Variants in COL14A1 observed in about 807,000 individuals in gnomAD.
COL14A1 encodes collagen alpha-1(XIV) chain.
In COL14A1, 136 loss-of-function variants were observed where a neutral mutation model predicts 230.3. The ratio of observed to expected loss-of-function variants is 0.59; its 90% CI spans 0.51 to 0.68. The LOEUF (loss-of-function observed/expected upper bound fraction) is 0.68. COL14A1 is among the 30% of genes least tolerant of loss of function. COL14A1 has a pLI of 0.00. For missense variants in COL14A1, 1,976 were observed against 2,215.8 expected (o/e 0.89, Z 2.17); for synonymous variants, 792 against 784.1 (o/e 1.01, Z -0.17).
intron 45 of COL14A1, among the ~76,000 whole-genome samples, chr8:120,354,263 G>T (rs1372289020): frequency 2.0e-5 from 2 of 99,554 alleles, no homozygotes; most frequent in African/African-American, 8.1e-5. Flanking sequence ...AGGGGGGAGG[G>T]ATAGCATTGG....
At chr8:120,169,347 G>A (rs1287174945) in intron 5 of COL14A1, among the ~76,000 whole-genome samples, 1 of 152,000 alleles carries the variant, frequency 6.6e-6, no homozygotes, top group Non-Finnish European at 1.5e-5. Context: ...TTCTGTTAAC[G>A]ATATGTAACA....
At chr8:120,208,383 A>G (rs1419369997) in intron 11 of COL14A1, 22 bp downstream of exon 11, 5 of 1,606,938 alleles carry the variant, frequency 3.1e-6, no homozygotes, top group Non-Finnish European at 4.3e-6. Flanking sequence ...ATTCTACCCC[A>G]CTTCTAACTT....
chr8:120,366,280 T>C (rs962137436), intron 45 of COL14A1, among the ~76,000 whole-genome samples: 1 of 152,256 alleles, frequency 6.6e-6, no homozygotes, highest in Non-Finnish European at 1.5e-5. Flanking sequence ...TGGCCATTTT[T>C]CACTTATTGA....
intron 40 of COL14A1, among the ~76,000 whole-genome samples, chr8:120,326,148 G>A (rs988058384): frequency 6.6e-6 from 1 of 152,202 alleles, no homozygotes; most frequent in Non-Finnish European, 1.5e-5. Flanking sequence ...GGCTTGCCCA[G>A]TGAGAGCTGT....
intron 2 of COL14A1, among the ~76,000 whole-genome samples, chr8:120,156,984 C>CTAACTTTTCCATGAAGTAT (rs1815501372): frequency 6.6e-6 from 1 of 152,116 alleles, no homozygotes; most frequent in Non-Finnish European, 1.5e-5. Context: ...ATAAAAAAGG[C>CTAACTTTTCCATGAAGTAT]TAACTTTTCC....
chr8:120,173,960 T>G (rs1816189741), intron 5 of COL14A1, among the ~76,000 whole-genome samples: 1 of 152,192 alleles, frequency 6.6e-6, no homozygotes, highest in Non-Finnish European at 1.5e-5. Flanking sequence ...AAAAGGATCT[T>G]GGATTAGTTC....
intron 42 of COL14A1, among the ~76,000 whole-genome samples, chr8:120,335,152 TG>T (rs1484781608): frequency 6.6e-6 from 1 of 152,000 alleles, no homozygotes; most frequent in African/African-American, 2.4e-5. Flanking sequence ...ACATGGGGCG[TG>T]GAGAGCTAGA....
chr8:120,203,728 G>A lies in COL14A1; in HGVS notation c.897G>A (p.Val299=), dbSNP rs1489086047. The stretch of plus-strand genomic sequence containing the variant: ...TGTAAGGGGTGAAAAACGCGGATGT[G>A]AATGAGCTGCAGGAGATCGCCTCTG... ...LFAIGVKNAD[V]NELQEIASEP... Residue 299 remains valine, a synonymous_variant, in exon 9 of 48, where the codon GTG becomes GTA. Transcript: ENST00000297848. 6.2e-7 allele frequency: 1 copy of A among 1,613,816 alleles called. No homozygotes were observed. Among genetic ancestry groups the A allele is most frequent in the Admixed American group, 1.7e-5 (1 of 59,978 alleles).
chr8:120,238,900 T>C (rs1244870811), intron 19 of COL14A1, among the ~76,000 whole-genome samples: 1 of 152,118 alleles, frequency 6.6e-6, no homozygotes, highest in Non-Finnish European at 1.5e-5. Context: ...TGAGGCGACG[T>C]CCCACCCTGC....
intron 34 of COL14A1, 32 bp downstream of exon 34, chr8:120,289,798 T>A (rs752468401): frequency 1.3e-6 from 2 of 1,580,368 alleles, no homozygotes. Flanking sequence ...GCTGTGTTAT[T>A]GTTAAGGGAG....
intron 45 of COL14A1, among the ~76,000 whole-genome samples, chr8:120,365,944 G>A (rs1220959362): frequency 6.6e-6 from 1 of 152,176 alleles, no homozygotes. Flanking sequence ...GACTGCAAGA[G>A]ATCATTACGG....
chr8:120,227,775 T>C (rs147114988), intron 17 of COL14A1, among the ~76,000 whole-genome samples: 127 of 152,342 alleles, frequency 8.3e-4, no homozygotes, highest in Admixed American at 1.8e-3. Context: ...CAAGTTGATA[T>C]TGGTTCCAAG....
chr8:120,213,165 G>T (rs1817660256), intron 13 of COL14A1, among the ~76,000 whole-genome samples: 1 of 151,996 alleles, frequency 6.6e-6, no homozygotes, highest in South Asian at 2.1e-4. Flanking sequence ...AATTTTGTTG[G>T]TAAGGCTAAT....
intron 21 of COL14A1, among the ~76,000 whole-genome samples, 153 bp from the exon 22 acceptor site, chr8:120,250,464 A>G (rs1818900373): frequency 6.6e-6 from 1 of 152,262 alleles, no homozygotes; most frequent in African/African-American, 2.4e-5. Context: ...TTTTAGAGCT[A>G]GATGAGACCA....
At chr8:120,217,960 T>C (rs1817806571) in intron 14 of COL14A1, among the ~76,000 whole-genome samples, 1 of 143,484 alleles carries the variant, frequency 7.0e-6, no homozygotes, top group South Asian at 2.1e-4. Flanking sequence ...TTATATAATA[T>C]ATATAATTTA....
At chr8:120,310,394 C>G (rs111600658) in intron 37 of COL14A1, among the ~76,000 whole-genome samples, 1 of 152,166 alleles carries the variant, frequency 6.6e-6, no homozygotes, top group Non-Finnish European at 1.5e-5. Context: ...TTAGAGGAAT[C>G]ATGCAGAACC....
At chr8:120,295,094 A>C (rs997332884) in intron 34 of COL14A1, among the ~76,000 whole-genome samples, 1 of 151,886 alleles carries the variant, frequency 6.6e-6, no homozygotes. Flanking sequence ...AAGTCTTTCC[A>C]TTCATGAAAA....
intron 45 of COL14A1, among the ~76,000 whole-genome samples, chr8:120,350,143 C>A (rs1003518495): frequency 3.3e-5 from 5 of 151,816 alleles, no homozygotes; most frequent in South Asian, 2.1e-4. Flanking sequence ...ACTAAGCTTC[C>A]TAAGTGAAGG....
chr8:120,136,961 A>C (rs1331850557), intron 1 of COL14A1, among the ~76,000 whole-genome samples: 1 of 9,910 alleles, frequency 1.0e-4, no homozygotes. Context: ...GTCTGTCTCA[A>C]AAAAAAAAAA....
Sources: allele counts gnomAD v4.1 joint callset (sites outside exome capture counted in the v4.1 genomes callset), GRCh38; gene constraint gnomAD v4.1.1; transcripts MANE v1.5; gene names NCBI Gene and HGNC (gene_info 2026-07-23, HGNC 2026-07-21).